Variants in SLC6A13 observed in about 807,000 individuals in gnomAD.
SLC6A13 encodes solute carrier family 6 member 13, also known as sodium- and chloride-dependent GABA transporter 2.
A neutral mutation model predicts 72.9 loss-of-function variants in SLC6A13; 69 were observed. That is an observed-to-expected ratio of 0.95 (90% CI 0.78 to 1.16). The LOEUF (loss-of-function observed/expected upper bound fraction) is 1.16, where lower values mean the gene tolerates loss of function less well. Among genes scored for constraint, SLC6A13 ranks in the 50% most tolerant of loss-of-function variants. The pLI, the probability that SLC6A13 is intolerant of heterozygous loss-of-function variation, is 0.00. For missense variants in SLC6A13, 735 were observed against 760.5 expected (o/e 0.97, Z 0.39); for synonymous variants, 303 against 303.0 (o/e 1.00, Z 0.00).
chr12:230,273 A>G (rs1941657055), intron 7 of SLC6A13, among the ~76,000 whole-genome samples: 1 of 152,150 alleles, frequency 6.6e-6, no homozygotes, highest in African/African-American at 2.4e-5. Flanking sequence ...TCTTGGGGGG[A>G]AGGAGGAGGA....
At chr12:232,047 G>A (rs978457078) in intron 7 of SLC6A13, among the ~76,000 whole-genome samples, 1 of 152,202 alleles carries the variant, frequency 6.6e-6, no homozygotes, top group Admixed American at 6.5e-5. Context: ...TCTATAAAAT[G>A]GGGATGCCTT....
At chr12:261,700 T>C (rs1052513958) in intron 1 of SLC6A13, among the ~76,000 whole-genome samples, 5 of 151,686 alleles carry the variant, frequency 3.3e-5, no homozygotes, top group African/African-American at 1.2e-4. Flanking sequence ...CCGAGGCGGG[T>C]GGATCTCCTG....
chr12:221,446 A>C lies in SLC6A13; in HGVS notation c.1616T>G (p.Leu539Arg). 1 of 1,614,022 alleles carries C rather than the reference A, an allele frequency of 6.2e-7. No individual in the cohort carries two copies. Among genetic ancestry groups the C allele is most frequent in the Non-Finnish European group, 8.5e-7 (1 of 1,179,936 alleles). Reference protein sequence around the residue: ...WGDALGWLLALSSMVCIPAWS... With the variant: ...WGDALGWLLARSSMVCIPAWS... ...GGCAGGAATGCAGACCATGGAGGAC[A>C]GAGCCAGGAGCCAGCCCAGGGCATC... The change falls in exon 14 of 15, where the codon CTG becomes CGG. Residue 539 changes from leucine to arginine, a missense_variant. Coordinates refer to ENST00000343164, the MANE Select transcript of SLC6A13 (RefSeq NM_016615.5).
chr12:224,332 A>G, intron 10 of SLC6A13, 69 bp downstream of exon 10: 1 of 1,395,784 alleles, frequency 7.2e-7, no homozygotes, highest in Non-Finnish European at 1.0e-6. Flanking sequence ...ACATTCACCC[A>G]TGGCTCCTCC....
intron 2 of SLC6A13, among the ~76,000 whole-genome samples, chr12:248,403 G>GAAAAAAA (rs35297718): frequency 1.0e-5 from 1 of 100,450 alleles, no homozygotes; most frequent in African/African-American, 3.9e-5. Context: ...CTCCGTCTCG[G>GAAAAAAA]AAAAAAAAAA....
At chr12:238,185 C>T in intron 4 of SLC6A13, 175 bp from the exon 5 acceptor site, 1 of 1,532,096 alleles carries the variant, frequency 6.5e-7, no homozygotes, top group South Asian at 1.2e-5. Flanking sequence ...ACAAATGCAG[C>T]TCACTCTCTC....
chr12:252,795 C>T (rs574532552), intron 2 of SLC6A13, among the ~76,000 whole-genome samples: 1 of 152,390 alleles, frequency 6.6e-6, no homozygotes, highest in Admixed American at 6.5e-5. Flanking sequence ...CCTGCTCTTT[C>T]TCTATAAACC....
In SLC6A13 at chr12:220,639, G is replaced by A; in HGVS notation, c.*309C>T. 1 of 340,804 alleles carries A rather than the reference G, an allele frequency of 2.9e-6. No individual in the cohort carries two copies. The highest frequency in any genetic ancestry group is 5.5e-6 in the Non-Finnish European group (1 of 180,250). 21.1% of individuals were successfully genotyped at this position (340,804 alleles called of 1,614,324 possible). The stretch of plus-strand genomic sequence containing the variant: ...GCTAGCAGTCAGCGGGAAGAATGTG[G>A]ATTTAATGGAATGAAGGATGAGAGG... On this transcript the variant is annotated 3_prime_UTR_variant, in exon 15 of 15. Coordinates refer to ENST00000343164, the MANE Select transcript of SLC6A13 (RefSeq NM_016615.5).
intron 1 of SLC6A13, among the ~76,000 whole-genome samples, chr12:262,303 G>A (rs1287733045): frequency 6.6e-6 from 1 of 152,198 alleles, no homozygotes; most frequent in Non-Finnish European, 1.5e-5. Flanking sequence ...TCATACCAAT[G>A]TCTGACTTCA....
chr12:247,059 A>AT (rs1459532565), intron 2 of SLC6A13, among the ~76,000 whole-genome samples: 1 of 151,328 alleles, frequency 6.6e-6, no homozygotes, highest in African/African-American at 2.4e-5. Flanking sequence ...GAAAAAAGAA[A>AT]TTTTTTAAAA....
At chr12:244,145 C>T (rs1228980919) in intron 2 of SLC6A13, among the ~76,000 whole-genome samples, 2 of 152,230 alleles carry the variant, frequency 1.3e-5, no homozygotes, top group South Asian at 2.1e-4. Context: ...GGAGCATTGG[C>T]ACAGCCCACA....
rs1163205900 is a variant in SLC6A13, at chr12:226,809, G to A, written c.936-295C>T. ...AGATGTGACAAACCGCCACACAGCC[G>A]CCCCTCTCTACCACGTAGGTCCACA... is the stretch of plus-strand genomic sequence containing the variant. On this transcript the variant is annotated intron_variant, in intron 8 of 14. Coordinates refer to ENST00000343164, the MANE Select transcript of SLC6A13 (RefSeq NM_016615.5). 8 of 280,864 alleles carry A rather than the reference G, an allele frequency of 2.8e-5. 1 individual carries two copies. The East Asian group carries it at 3.6e-4, about 13-fold the overall frequency. The allele number at this position is 280,864 out of a possible 1,614,324, so 17.4% of individuals were successfully genotyped here. A position where few individuals can be genotyped will look rare whatever the true frequency, so the allele number is the denominator to read the frequency against.
chr12:258,943 A>G (rs1942834937), intron 2 of SLC6A13: 2 of 985,626 alleles, frequency 2.0e-6, no homozygotes, highest in Admixed American at 1.2e-4. Flanking sequence ...TAGGAAAAAG[A>G]CACAAGACCA....
intron 2 of SLC6A13, chr12:253,691 G>A (rs1942638673): frequency 6.6e-6 from 1 of 152,350 alleles, no homozygotes; most frequent in Admixed American, 6.5e-5. Context: ...CAGCAGCCAG[G>A]GTCCAGGCAG....
chr12:225,581 C>T (rs1941412450), intron 9 of SLC6A13, among the ~76,000 whole-genome samples: 2 of 151,000 alleles, frequency 1.3e-5, no homozygotes, highest in Non-Finnish European at 2.9e-5. Flanking sequence ...GCCCGGGAAG[C>T]GGAGGTTGCA....
intron 8 of SLC6A13, chr12:226,756 C>T: frequency 5.2e-6 from 2 of 386,174 alleles, no homozygotes; most frequent in South Asian, 3.0e-5. Flanking sequence ...TAAAAGAATG[C>T]GGCTCCAGGG....
chr12:258,020 T>C (rs965225055), intron 2 of SLC6A13, among the ~76,000 whole-genome samples: 3 of 152,212 alleles, frequency 2.0e-5, no homozygotes, highest in African/African-American at 7.2e-5. Flanking sequence ...GCTTTCACCC[T>C]GGGCCAGCTC....
chr12:243,123 C>T (rs1197721585), intron 3 of SLC6A13, among the ~76,000 whole-genome samples: 2 of 151,954 alleles, frequency 1.3e-5, no homozygotes, highest in Non-Finnish European at 2.9e-5. Context: ...GATTCTCCTG[C>T]CTCAGCCTCC....
rs1016501311 is a variant in SLC6A13 at position 226,633 on chromosome 12, G to A, written c.936-119C>T. The A allele has an allele frequency of 8.5e-6, 11 of 1,288,924 alleles. No homozygotes were observed. In the Admixed American group the frequency reaches 1.6e-4, roughly 19 times the overall value. 79.8% of individuals were successfully genotyped at this position (1,288,924 alleles called of 1,614,324 possible). A position where few individuals can be genotyped will look rare whatever the true frequency, so the allele number is the denominator to read the frequency against. ...GCGGACACTGTCCTGGCCCCTTCAC[G>A]GACGCCGGAGCAGGGCTACCTGGCA... On this transcript the variant is annotated intron_variant, in intron 8 of 14. Transcript: ENST00000343164.
Sources: gnomAD v4.1 joint callset for allele counts (sites outside exome capture counted in the v4.1 genomes callset) on GRCh38, gnomAD v4.1.1 for gene constraint, MANE v1.5 for transcripts, NCBI Gene and HGNC (gene_info 2026-07-23, HGNC 2026-07-21) for gene names.